The following NRXN1 variants were observed in gnomAD, a reference collection of about 807,000 sequenced individuals.
NRXN1 encodes the protein neurexin 1.
A neutral mutation model predicts 150.9 loss-of-function variants in NRXN1; 39 were observed. The observed-to-expected ratio is 0.26, with a 90% CI of 0.20 to 0.34. The LOEUF (loss-of-function observed/expected upper bound fraction) is 0.34, where lower values mean the gene tolerates loss of function less well. Ranked by LOEUF, NRXN1 falls within the 10% of genes least tolerant of loss-of-function variation. The pLI, the probability that NRXN1 is intolerant of heterozygous loss-of-function variation, is 1.00. For synonymous variants in NRXN1, 924 were observed against 757.0 expected (o/e 1.22, Z -3.62); for missense variants, 1,815 against 1,949.9 (o/e 0.93, Z 1.30).
intron 5 of NRXN1, among the ~76,000 whole-genome samples, chr2:50,890,459 A>G (rs1472345306): frequency 1.3e-5 from 2 of 151,856 alleles, no homozygotes; most frequent in Non-Finnish European, 2.9e-5. Flanking sequence ...GAGGACATTT[A>G]AGGAGTGAAA....
intron 17 of NRXN1, among the ~76,000 whole-genome samples, chr2:50,446,938 T>C (rs1239240338): frequency 1.3e-5 from 2 of 152,142 alleles, no homozygotes; most frequent in Middle Eastern, 3.2e-3. Context: ...CCTGCATATT[T>C]ACAAAAATGT....
At chr2:50,670,846 A>T (rs535749485) in intron 5 of NRXN1, among the ~76,000 whole-genome samples, 1 of 152,044 alleles carries the variant, frequency 6.6e-6, no homozygotes, top group East Asian at 1.9e-4. Flanking sequence ...AGAAGCAGTA[A>T]GTCCTTCTCA....
At chr2:50,584,126 T>C (rs907953065) in intron 8 of NRXN1, among the ~76,000 whole-genome samples, 1 of 152,208 alleles carries the variant, frequency 6.6e-6, no homozygotes, top group Non-Finnish European at 1.5e-5. Flanking sequence ...CAGGATACTT[T>C]TGAAGGAGAG....
intron 17 of NRXN1, among the ~76,000 whole-genome samples, chr2:50,264,464 G>A (rs1462855280): frequency 3.3e-5 from 5 of 151,998 alleles, no homozygotes; most frequent in South Asian, 2.1e-4. Context: ...GGTAAATTAC[G>A]GTCAGATGGG....
chr2:50,369,225 G>T (rs988952981), intron 17 of NRXN1, among the ~76,000 whole-genome samples: 2 of 151,728 alleles, frequency 1.3e-5, no homozygotes, highest in Admixed American at 6.6e-5. Flanking sequence ...GCAGACAAGG[G>T]TCTATAAAAG....
chr2:50,147,258 TTAGAA>T (rs1483358302), intron 18 of NRXN1, among the ~76,000 whole-genome samples: 6 of 151,720 alleles, frequency 4.0e-5, no homozygotes, highest in African/African-American at 1.4e-4. Flanking sequence ...AATAAGTGCC[TTAGAA>T]GATTCCTAGG....
At chr2:50,694,551 T>C (rs552311276) in intron 5 of NRXN1, among the ~76,000 whole-genome samples, 3 of 152,294 alleles carry the variant, frequency 2.0e-5, no homozygotes, top group South Asian at 4.1e-4. Context: ...CCATTCAAGG[T>C]TGAACACTCA....
chr2:50,941,959 C>T (rs560169316), intron 2 of NRXN1, among the ~76,000 whole-genome samples: 2 of 152,312 alleles, frequency 1.3e-5, no homozygotes, highest in South Asian at 4.1e-4. Flanking sequence ...CCATCAGAGG[C>T]CTTGAGGCCT....
chr2:50,020,342 T>G (rs1159810499), intron 21 of NRXN1, among the ~76,000 whole-genome samples: 1 of 152,224 alleles, frequency 6.6e-6, no homozygotes, highest in African/African-American at 2.4e-5. Flanking sequence ...TAAAGCAATT[T>G]CTGTAGTTTC....
intron 17 of NRXN1, among the ~76,000 whole-genome samples, chr2:50,350,248 G>A (rs2078313029): frequency 6.6e-6 from 1 of 152,136 alleles, no homozygotes; most frequent in African/African-American, 2.4e-5. Flanking sequence ...TCTAACTCAT[G>A]CCTAAAAGAA....
chr2:50,407,825 C>T lies in NRXN1; in HGVS notation c.3364+57617G>A, dbSNP rs568957278. 6.0e-4 allele frequency among the ~76,000 whole-genome samples: 91 copies of T among 152,138 alleles called. 2 individuals are homozygous for T. The Middle Eastern group carries it at 0.01, about 17-fold the overall frequency. On this transcript the variant is annotated intron_variant, in intron 17 of 22. Transcript: ENST00000401669. ...CTCCACAACGGTAAGAAATATATTC[C>T]ATTTCTTTATAAATTACCCAGTTTC... is the stretch of plus-strand genomic sequence containing the variant.
intron 5 of NRXN1, among the ~76,000 whole-genome samples, chr2:50,803,486 G>A (rs1038048699): frequency 6.6e-5 from 10 of 152,116 alleles, no homozygotes; most frequent in African/African-American, 2.4e-4. Context: ...TTAAGCAGTA[G>A]AGGACACTGT....
At chr2:49,969,692 T>C (rs1414389667) in intron 21 of NRXN1, 1 of 152,044 alleles carries the variant, frequency 6.6e-6, no homozygotes, top group Non-Finnish European at 1.5e-5. Flanking sequence ...CTAACCAGGA[T>C]CAACTCTGCT....
At position 50,921,964 on chromosome 2, in the gene NRXN1, T is replaced by C. The variant is rs4327263; in HGVS notation, c.821-84A>G. ...AGGAGAAAAACAACAATAAGTATTA[T>C]GAACATATGTAAAGCCACTACTCTC... is the stretch of plus-strand genomic sequence containing the variant. On this transcript the variant is annotated intron_variant, in intron 4 of 22. Transcript: ENST00000401669. The C allele has an allele frequency of 0.098, 70,097 of 713,840 alleles. 3,930 individuals carry two copies. The highest frequency in any genetic ancestry group is 0.18 in the African/African-American group (9,690 of 54,242). The allele number at this position is 713,840 out of a possible 1,614,324, so 44.2% of individuals were successfully genotyped here.
At chr2:50,434,645 T>C (rs2085275548) in intron 17 of NRXN1, among the ~76,000 whole-genome samples, 1 of 152,162 alleles carries the variant, frequency 6.6e-6, no homozygotes, top group Non-Finnish European at 1.5e-5. Context: ...CTGTGAAATA[T>C]ATTTACAGCC....
chr2:50,727,605 G>C (rs1456190716), intron 5 of NRXN1, among the ~76,000 whole-genome samples: 1 of 152,048 alleles, frequency 6.6e-6, no homozygotes, highest in Admixed American at 6.6e-5. Flanking sequence ...CTAACACCTA[G>C]ATAGTGATTT....
At position 50,370,261 on chromosome 2, in the gene NRXN1, A is replaced by G. The variant is rs374128226; in HGVS notation, c.3364+95181T>C. ...CAGCAGGTGTTTTTCTTCTTCCCAA[A>G]ATGCAGCCTGCCAGCCACTTACAAC... On this transcript the variant is annotated intron_variant, in intron 17 of 22. Coordinates refer to ENST00000401669, the MANE Select transcript of NRXN1 (RefSeq NM_001330078.2). Among the ~76,000 whole-genome samples, 18 of 152,004 alleles carry G rather than the reference A, an allele frequency of 1.2e-4. 1 individual carries two copies. The highest frequency in any genetic ancestry group is 4.3e-4 in the African/African-American group (18 of 41,514).
chr2:50,904,050 C>A (rs1458321477), intron 5 of NRXN1, among the ~76,000 whole-genome samples: 2 of 152,114 alleles, frequency 1.3e-5, no homozygotes, highest in African/African-American at 4.8e-5. Flanking sequence ...CCAAGTCCTG[C>A]TCTTTCCGCA....
At chr2:50,587,990 G>C (rs1444686375) in intron 8 of NRXN1, among the ~76,000 whole-genome samples, 1 of 152,082 alleles carries the variant, frequency 6.6e-6, no homozygotes, top group African/African-American at 2.4e-5. Flanking sequence ...CTTTGTGAGT[G>C]CCTATTATAT....
Sources: gnomAD v4.1 joint callset for allele counts (sites outside exome capture counted in the v4.1 genomes callset) on GRCh38, gnomAD v4.1.1 for gene constraint, MANE v1.5 for transcripts, NCBI Gene and HGNC (gene_info 2026-07-23, HGNC 2026-07-21) for gene names.